The following PCLO variants were observed in gnomAD, a reference collection of about 807,000 sequenced individuals.
PCLO encodes piccolo presynaptic cytomatrix protein.
A neutral mutation model predicts 427.5 loss-of-function variants in PCLO; 82 were observed. The observed-to-expected ratio is 0.19, with a 90% confidence interval of 0.16 to 0.23. The LOEUF (loss-of-function observed/expected upper bound fraction) is 0.23, where lower values mean the gene tolerates loss of function less well. Among genes scored for constraint, PCLO ranks in the 10% least tolerant of loss-of-function variants. PCLO has a pLI of 1.00. For missense variants in PCLO, 6,239 were observed against 6,115.9 expected (o/e 1.02, Z -0.67); for synonymous variants, 2,357 against 2,155.4 (o/e 1.09, Z -2.59).
chr7:82,971,517 CT>C, intron 3 of PCLO, among the ~76,000 whole-genome samples: 1 of 147,206 alleles, frequency 6.8e-6, no homozygotes, highest in East Asian at 2.0e-4. Flanking sequence ...AAATTTCATT[CT>C]ATATGTGTAT....
At chr7:83,140,029 A>G (rs534026777) in intron 2 of PCLO, among the ~76,000 whole-genome samples, 18 of 152,328 alleles carry the variant, frequency 1.2e-4, no homozygotes, top group African/African-American at 4.1e-4. Context: ...TGACCAAATG[A>G]AAAAGTCCAT....
intron 3 of PCLO, among the ~76,000 whole-genome samples, chr7:83,097,948 T>C (rs1010308843): frequency 6.6e-6 from 1 of 152,166 alleles, no homozygotes; most frequent in Non-Finnish European, 1.5e-5. Context: ...TTTTCATTAA[T>C]ATCTGCATTT....
At chr7:82,897,805 C>G (rs1182125700) in intron 9 of PCLO, among the ~76,000 whole-genome samples, 1 of 151,100 alleles carries the variant, frequency 6.6e-6, no homozygotes, top group Non-Finnish European at 1.5e-5. Context: ...AGTATATTTC[C>G]TTTTCGAAAA....
intron 3 of PCLO, among the ~76,000 whole-genome samples, chr7:83,129,483 T>C (rs1791518221): frequency 6.6e-6 from 1 of 152,190 alleles, no homozygotes; most frequent in Non-Finnish European, 1.5e-5. Flanking sequence ...TTATTCAAGT[T>C]TGGAAGGCTA....
intron 6 of PCLO, among the ~76,000 whole-genome samples, chr7:82,942,375 A>G (rs1271995235): frequency 1.3e-5 from 2 of 152,152 alleles, no homozygotes; most frequent in Non-Finnish European, 2.9e-5. Context: ...GAACAATAAG[A>G]ATACAATTTT....
rs527293395 is a variant in PCLO at position 82,806,442 on chromosome 7, A to C, written c.14792-613T>G. Reference sequence around the variant, plus strand: ...TAGTTTATCATTGAGACTTGTCTCAAGAATTTCCTAAGTTTGATATTTGAA... The same window carrying C: ...TAGTTTATCATTGAGACTTGTCTCACGAATTTCCTAAGTTTGATATTTGAA... On this transcript the variant is annotated intron_variant, in intron 20 of 24. Coordinates refer to ENST00000333891, the MANE Select transcript of PCLO (RefSeq NM_033026.6). 1.2e-3 allele frequency among the ~76,000 whole-genome samples: 178 copies of C among 152,298 alleles called. 1 individual carries two copies. The highest frequency in any genetic ancestry group is 4.1e-3 in the African/African-American group (172 of 41,576).
At chr7:83,018,488 T>C (rs556951250) in intron 3 of PCLO, among the ~76,000 whole-genome samples, 26 of 152,112 alleles carry the variant, frequency 1.7e-4, no homozygotes, top group African/African-American at 4.6e-4. Context: ...TAAAATAATA[T>C]CGAATTTTGA....
chr7:82,936,862 A>G (rs1048264789), intron 6 of PCLO, among the ~76,000 whole-genome samples: 2 of 151,788 alleles, frequency 1.3e-5, no homozygotes, highest in African/African-American at 4.8e-5. Flanking sequence ...AGATGAACAT[A>G]GAAAATGTTA....
At chr7:82,867,302 G>C (rs1411402495) in intron 10 of PCLO, among the ~76,000 whole-genome samples, 1 of 152,108 alleles carries the variant, frequency 6.6e-6, no homozygotes, top group African/African-American at 2.4e-5. Flanking sequence ...AATATTCTAA[G>C]CATGACATTA....
rs765683718 is a variant in PCLO, at chr7:82,915,985, G to A, written c.12001C>T (p.His4001Tyr). The A allele has an allele frequency of 2.5e-6, 4 of 1,612,700 alleles. No homozygotes were observed. In the South Asian group the frequency reaches 4.4e-5, roughly 18 times the overall value. ...VSTDNTFAVSHLGSKYNSLDL... is the reference protein window; with the variant it reads ...VSTDNTFAVSYLGSKYNSLDL... ...AAACTATTGTACTTACTACCAAGAT[G>A]GGAAACAGCAAATGTGTTATCCGTA... The change falls in exon 7 of 25, where the codon CAT (histidine) becomes TAT (tyrosine). Residue 4001 changes from histidine (H) to tyrosine (Y), a missense_variant. His to Tyr is a moderately conservative substitution (Grantham distance 83, BLOSUM62 2). This residue lies in a region of PCLO where 680 missense variants were observed against 677.3 expected (regional missense o/e 1.00). Transcript: ENST00000333891.
rs1790414363 is a variant in PCLO, at chr7:82,760,772, T to C, written c.15155A>G (p.Lys5052Arg). Reference protein sequence around the residue: ...SPDHLPDLYVKIYVMNISTQK... With the variant: ...SPDHLPDLYVRIYVMNISTQK... ...GGTAGAAATATTCATCACATATATT[T>C]TCACATATAAATCTGAAAATAAGAA... Residue 5052 changes from lysine to arginine, a missense_variant, in exon 24 of 25, where the codon AAA (lysine) becomes AGA (arginine). Around this residue, in one of 5 missense-constraint regions of PCLO, gnomAD observed 877 missense variants for 925.5 expected, o/e 0.95. Transcript: ENST00000333891. 3 of 1,456,088 alleles carry C rather than the reference T, an allele frequency of 2.1e-6. No individual in the cohort carries two copies. Among genetic ancestry groups the C allele is most frequent in the Non-Finnish European group, 2.8e-6 (3 of 1,053,792 alleles). 90.2% of individuals were successfully genotyped at this position (1,456,088 alleles called of 1,614,324 possible).
In PCLO at chr7:82,949,807, G is replaced by A; in HGVS notation, c.10781C>T (p.Thr3594Ile). 1.2e-6 allele frequency: 2 copies of A among 1,613,824 alleles called. No homozygotes were observed. Among genetic ancestry groups the A allele is most frequent in the Non-Finnish European group, 1.7e-6 (2 of 1,179,852 alleles). ...AGATGAATAACCAATCTCTAAAGGTGTTGGGCGTTTCTTGTCTTTGGGTGG... is the reference window on the plus strand; with the variant it reads ...AGATGAATAACCAATCTCTAAAGGTATTGGGCGTTTCTTGTCTTTGGGTGG... ...TSPPKDKKRPTPLEIGYSSHL... is the reference protein window; with the variant it reads ...TSPPKDKKRPIPLEIGYSSHL... Residue 3594 changes from threonine to isoleucine, a missense_variant, in exon 6 of 25, where the codon ACA becomes ATA. Thr to Ile is a moderately conservative substitution (Grantham distance 89). Around this residue, in one of 5 missense-constraint regions of PCLO, gnomAD observed 4,677 missense variants for 4,468.4 expected, o/e 1.05. Coordinates refer to ENST00000333891, the MANE Select transcript of PCLO (RefSeq NM_033026.6).
At position 82,821,616 on chromosome 7, in the gene PCLO, T is replaced by G. The variant is rs991377036; in HGVS notation, c.14791+879A>C. On this transcript the variant is annotated intron_variant, in intron 20 of 24. Coordinates refer to ENST00000333891, the MANE Select transcript of PCLO (RefSeq NM_033026.6). The stretch of plus-strand genomic sequence containing the variant: ...TATAATTATATCAATCGACTAAATT[T>G]TCACAAATGAAATGAAAATACAGCA... The G allele has an allele frequency of 2.4e-5, 23 of 968,630 alleles. No individual in the cohort carries two copies. The Admixed American group carries it at 3.7e-4, about 16-fold the overall frequency. The allele number at this position is 968,630 out of a possible 1,614,324, so 60.0% of individuals were successfully genotyped here.
chr7:83,130,185 A>T (rs1361820728), intron 3 of PCLO, among the ~76,000 whole-genome samples: 1 of 152,040 alleles, frequency 6.6e-6, no homozygotes, highest in African/African-American at 2.4e-5. Context: ...GAAGTCTCCC[A>T]TTATTATTAT....
chr7:83,118,985 T>A (rs1029186422), intron 3 of PCLO, among the ~76,000 whole-genome samples: 6 of 151,886 alleles, frequency 4.0e-5, no homozygotes, highest in Admixed American at 1.3e-4. Context: ...TAAAAAAAAA[T>A]TTTATCTTGC....
At chr7:83,150,493 A>G (rs1792101639) in intron 2 of PCLO, among the ~76,000 whole-genome samples, 1 of 152,190 alleles carries the variant, frequency 6.6e-6, no homozygotes, top group South Asian at 2.1e-4. Context: ...TGGGTTGCCT[A>G]AAGTGCTCAT....
chr7:82,848,860 T>G, intron 10 of PCLO: 1 of 385,282 alleles, frequency 2.6e-6, no homozygotes. Context: ...GACTTTTCTA[T>G]AACTTACTCC....
rs1255915958 is a variant in PCLO, at chr7:83,155,352, G to C, written c.1289C>G (p.Pro430Arg). Residue 430 changes from proline (P) to arginine (R), a missense_variant, in exon 2 of 25, where the codon CCA becomes CGA. Physicochemically the swap from Pro to Arg is moderately radical, Grantham distance 103 (BLOSUM62 -2). This residue lies in a region of PCLO where 4,677 missense variants were observed against 4,468.4 expected (regional missense o/e 1.05). Coordinates refer to ENST00000333891, the MANE Select transcript of PCLO (RefSeq NM_033026.6). ...PLAQQPGLQSPAKAPGPTKTP... is the reference protein window; with the variant it reads ...PLAQQPGLQSRAKAPGPTKTP... ...CTTTGTAGGCCCAGGTGCCTTAGCT[G>C]GAGACTGTAGCCCAGGTTGTTGAGC... The C allele has an allele frequency of 6.2e-7, 1 of 1,613,882 alleles. No individual in the cohort carries two copies. The highest frequency in any genetic ancestry group is 1.1e-5 in the South Asian group (1 of 91,078).
intron 9 of PCLO, among the ~76,000 whole-genome samples, chr7:82,899,314 A>G (rs1793983858): frequency 6.6e-6 from 1 of 151,456 alleles, no homozygotes; most frequent in Admixed American, 6.6e-5. Flanking sequence ...CAGGAGTGTA[A>G]ATATTCTTTG....
Sources: allele counts gnomAD v4.1 joint callset (sites outside exome capture counted in the v4.1 genomes callset), GRCh38; gene constraint gnomAD v4.1.1; regional missense constraint gnomAD v4.1.1; transcripts MANE v1.5; gene names NCBI Gene and HGNC (gene_info 2026-07-23, HGNC 2026-07-21).